KRT222: variants seen among roughly 807,000 people sequenced by gnomAD.
KRT222 encodes the protein keratin-like protein KRT222.
In KRT222, 23 loss-of-function variants were observed where a neutral mutation model predicts 35.0. The ratio of observed to expected loss-of-function variants is 0.66; its 90% confidence interval spans 0.47 to 0.93. The LOEUF is 0.93. KRT222 is among the 40% of genes least tolerant of loss of function. The pLI, the probability that KRT222 is intolerant of heterozygous loss-of-function variation, is 0.00. For synonymous variants in KRT222, 108 were observed against 118.8 expected, an observed-to-expected ratio of 0.91 and a Z score of 0.59; for missense variants, 339 against 346.3, an observed-to-expected ratio of 0.98 and a Z score of 0.17.
intron 5 of KRT222, 48 bp downstream of exon 5, chr17:40,657,304 C>G: frequency 1.5e-6 from 2 of 1,293,356 alleles, no homozygotes. Flanking sequence ...AAGTTAATTT[C>G]TTTACATATA....
At chr17:40,658,332 C>A (rs933833336) in intron 3 of KRT222, among the ~76,000 whole-genome samples, 3 of 151,960 alleles carry the variant, frequency 2.0e-5, no homozygotes, top group South Asian at 2.1e-4. Context: ...CACAACCATT[C>A]ATTTTATTTA....
In KRT222 at chr17:40,656,542, G is replaced by C; in HGVS notation, c.748C>G (p.Arg250Gly). The change falls in exon 6 of 6, where the codon CGA becomes GGA. Residue 250 changes from arginine to glycine, a missense_variant. Physicochemically the swap from Arg to Gly is moderately radical, Grantham distance 125. Coordinates refer to ENST00000394052, the MANE Select transcript of KRT222 (RefSeq NM_152349.3). ...GTGGCTGCTAAATGAAGATCAAATC[G>C]AAGAGAAACAGACTTTTTCCTCAAT... ...PRLRKKSVSL[R>G]FDLHLAATDE... The C allele has an allele frequency of 6.2e-7, 1 of 1,613,528 alleles. No homozygotes were observed. Among genetic ancestry groups the C allele is most frequent in the African/African-American group, 1.3e-5 (1 of 74,990 alleles).
chr17:40,663,957 C>A (rs1006293059), intron 1 of KRT222, among the ~76,000 whole-genome samples: 1 of 152,106 alleles, frequency 6.6e-6, no homozygotes, highest in Non-Finnish European at 1.5e-5. Flanking sequence ...GTACCAGTGA[C>A]TTTGCTTAAT....
chr17:40,662,351 C>T (rs1435304991), intron 1 of KRT222, among the ~76,000 whole-genome samples: 1 of 152,130 alleles, frequency 6.6e-6, no homozygotes, highest in Non-Finnish European at 1.5e-5. Flanking sequence ...GATTCGTGAT[C>T]TCTGATTTTT....
intron 3 of KRT222, 95 bp from the exon 4 acceptor site, chr17:40,657,845 A>G (rs1023264836): frequency 1.2e-6 from 1 of 800,522 alleles, no homozygotes; most frequent in Non-Finnish European, 2.1e-6. Context: ...TTCACGCAAT[A>G]GAAACACTAT....
In KRT222 at chr17:40,657,413, T is replaced by G; in HGVS notation, c.598A>C (p.Lys200Gln). 1 of 1,611,416 alleles carries G rather than the reference T, an allele frequency of 6.2e-7. No homozygotes were observed. ...YENENVETVT[K>Q]QAILNGSIVK... ...ATACTCCCATTTAAGATTGCCTGTT[T>G]GGTTACTGTTTCTACATTTTCATTC... The change falls in exon 5 of 6, where the codon AAA becomes CAA. Residue 200 changes from lysine to glutamine, a missense_variant. Lys to Gln is a moderately conservative substitution (Grantham distance 53, BLOSUM62 1). Transcript: ENST00000394052.
At chr17:40,658,138 CTT>C (rs74268058) in intron 3 of KRT222, among the ~76,000 whole-genome samples, 9 of 138,548 alleles carry the variant, frequency 6.5e-5, no homozygotes, top group Non-Finnish European at 9.5e-5. Context: ...ACATTTTACT[CTT>C]TTTTTTTTTT....
intron 2 of KRT222, 85 bp from the exon 3 acceptor site, chr17:40,660,292 T>A: frequency 8.7e-7 from 1 of 1,149,384 alleles, no homozygotes; most frequent in South Asian, 1.4e-5. Context: ...ATCTTTTTTT[T>A]TTTTTTGAGA....
rs2037412085 is a variant in KRT222 at position 40,664,994 on chromosome 17, A to C, written c.96+10T>G. The C allele has an allele frequency of 6.2e-7, 1 of 1,613,798 alleles. No individual in the cohort carries two copies. Reference sequence around the variant, plus strand: ...ATTCTGGAAGGTGCCTGTCTGTATGAAATCATTACCTGGATCCTTGTTGAG... The same window carrying C: ...ATTCTGGAAGGTGCCTGTCTGTATGCAATCATTACCTGGATCCTTGTTGAG... On this transcript the variant is annotated intron_variant, in intron 1 of 5. Coordinates refer to ENST00000394052, the MANE Select transcript of KRT222 (RefSeq NM_152349.3).
intron 2 of KRT222, among the ~76,000 whole-genome samples, chr17:40,660,526 G>A (rs2037376662): frequency 6.6e-6 from 1 of 151,940 alleles, no homozygotes; most frequent in Non-Finnish European, 1.5e-5. Flanking sequence ...TGATCCGCCC[G>A]CCTTGGCCTC....
intron 3 of KRT222, among the ~76,000 whole-genome samples, chr17:40,658,070 G>A (rs16966093): frequency 0.47 from 70,946 of 151,536 alleles, 17,235 homozygotes; most frequent in Non-Finnish European, 0.56. Flanking sequence ...GGTAGAGGGA[G>A]GAGCATGAGA....
chr17:40,660,070 C>T lies in KRT222; in HGVS notation c.363G>A (p.Glu121=), dbSNP rs748954948. The T allele has an allele frequency of 1.2e-6, 2 of 1,614,160 alleles. No individual in the cohort carries two copies. The highest frequency in any genetic ancestry group is 1.1e-5 in the South Asian group (1 of 91,078). Reference sequence around the variant, plus strand: ...TCTTCGTGTTGAGAAGCATCTCGTGCTCTTGAAGCTGCTTTTCGATGCCGC... The same window carrying T: ...TCTTCGTGTTGAGAAGCATCTCGTGTTCTTGAAGCTGCTTTTCGATGCCGC... ...VRRGIEKQLQ[E]HEMLLNTKMR... Residue 121 remains glutamate, a synonymous_variant, in exon 3 of 6, where the codon GAG becomes GAA. Coordinates refer to ENST00000394052, the MANE Select transcript of KRT222 (RefSeq NM_152349.3).
rs1268904237 is a variant in KRT222, at chr17:40,655,036, T to TATAC, written c.*1365_*1366insGTAT. The TATAC allele has an allele frequency of 2.8e-3, 414 of 146,104 alleles. 4 individuals carry two copies. The highest frequency in any genetic ancestry group is 9.9e-3 in the African/African-American group (396 of 40,184). The allele number at this position is 146,104 out of a possible 1,614,324, so 9.1% of individuals were successfully genotyped here. ...CATTTTTCTGGTTGAAATATATATA[T>TATAC]ACATATATATAAATTATATATATGT... is the stretch of plus-strand genomic sequence containing the variant. On this transcript the variant is annotated 3_prime_UTR_variant, in exon 6 of 6. Transcript: ENST00000394052.
intron 2 of KRT222, 60 bp downstream of exon 2, chr17:40,661,856 C>A: frequency 6.4e-7 from 1 of 1,562,834 alleles, no homozygotes. Context: ...TCTTTTCCTT[C>A]TCTTAATCAA....
chr17:40,655,411 T>A lies in KRT222; in HGVS notation c.*991A>T, dbSNP rs2037337954. ...ATTTGAACGATTTAAAAACAAATCC[T>A]CTAAATACTCTTAGCTTAGATAACA... On this transcript the variant is annotated 3_prime_UTR_variant, in exon 6 of 6. Coordinates refer to ENST00000394052, the MANE Select transcript of KRT222 (RefSeq NM_152349.3). 2 of 152,124 alleles carry A rather than the reference T, an allele frequency of 1.3e-5. No homozygotes were observed. The highest frequency in any genetic ancestry group is 4.8e-5 in the African/African-American group (2 of 41,454). 9.4% of individuals were successfully genotyped at this position (152,124 alleles called of 1,614,324 possible).
At position 40,657,471 on chromosome 17, in the gene KRT222, TATTTC is replaced by T. The variant is rs1195744443; in HGVS notation, c.535_539del (p.Glu179IlefsTer11). ...TTTGTGGGACTTTTGTAGTAAAAGA[TATTTC>T]ATTTATAATGGCTGTGAAAATATCA... On this transcript the variant is annotated frameshift_variant, in exon 5 of 6. Coordinates refer to ENST00000394052, the MANE Select transcript of KRT222 (RefSeq NM_152349.3). LOFTEE classifies it high-confidence loss of function. The T allele has an allele frequency of 4.4e-6, 7 of 1,598,500 alleles. No homozygotes were observed. Among genetic ancestry groups the T allele is most frequent in the Non-Finnish European group, 5.1e-6 (6 of 1,170,276 alleles).
Position 40,665,025 on chromosome 17 carries a change from C to G in KRT222, c.75G>C (p.Thr25=), listed in dbSNP as rs374226375. The change falls in exon 1 of 6, where the codon ACG becomes ACC. Residue 25 remains threonine (T), a synonymous_variant. Coordinates refer to ENST00000394052, the MANE Select transcript of KRT222 (RefSeq NM_152349.3). ...TTACCTGGATCCTTGTTGAGAGCAC[C>G]GTCTCTATCTGATTTCTGGTGAGGA... ...EKILTRNQIE[T]VLSTRIQLEE... 1.2e-6 allele frequency: 2 copies of G among 1,613,902 alleles called. No homozygotes were observed. Among genetic ancestry groups the G allele is most frequent in the Non-Finnish European group, 1.7e-6 (2 of 1,179,886 alleles).
chr17:40,655,235 A>T lies in KRT222; in HGVS notation c.*1167T>A, dbSNP rs2037336825. 6.6e-6 allele frequency: 1 copy of T among 151,642 alleles called. No homozygotes were observed. Among genetic ancestry groups the T allele is most frequent in the Non-Finnish European group, 1.5e-5 (1 of 67,824 alleles). The allele number at this position is 151,642 out of a possible 1,614,324, so 9.4% of individuals were successfully genotyped here. A position where few individuals can be genotyped will look rare whatever the true frequency, so the allele number is the denominator to read the frequency against. On this transcript the variant is annotated 3_prime_UTR_variant, in exon 6 of 6. Coordinates refer to ENST00000394052, the MANE Select transcript of KRT222 (RefSeq NM_152349.3). ...CTCAGCTACTTTTTCTGCTTAGAAAAGAATTAAGAACTTATAAATTTCTAA... is the reference window on the plus strand; with the variant it reads ...CTCAGCTACTTTTTCTGCTTAGAAATGAATTAAGAACTTATAAATTTCTAA...
At chr17:40,664,922 C>G in intron 1 of KRT222, 82 bp downstream of exon 1, 2 of 1,602,356 alleles carry the variant, frequency 1.2e-6, no homozygotes, top group Non-Finnish European at 1.7e-6. Context: ...AATACTGTAC[C>G]TCAGAGAGGC....
Sources: allele counts gnomAD v4.1 joint callset (sites outside exome capture counted in the v4.1 genomes callset), GRCh38; gene constraint gnomAD v4.1.1; transcripts MANE v1.5; gene names NCBI Gene and HGNC (gene_info 2026-07-23, HGNC 2026-07-21).